The following NRXN1 variants were observed in gnomAD, a reference collection of about 807,000 sequenced individuals.
NRXN1 encodes neurexin-1.
In NRXN1, 39 loss-of-function variants were observed where a neutral mutation model predicts 150.9. That is an observed-to-expected ratio of 0.26 (90% CI 0.20 to 0.34). The LOEUF is 0.34. Among genes scored for constraint, NRXN1 ranks in the 10% least tolerant of loss-of-function variants. NRXN1 has a pLI of 1.00. For missense variants in NRXN1, 1,815 were observed against 1,949.9 expected (o/e 0.93, Z 1.30); for synonymous variants, 924 against 757.0 (o/e 1.22, Z -3.62).
intron 12 of NRXN1, among the ~76,000 whole-genome samples, chr2:50,519,722 G>A (rs2092732518): frequency 1.1e-4 from 16 of 151,906 alleles, no homozygotes; most frequent in Admixed American, 1.0e-3. Flanking sequence ...CTTCTCATGT[G>A]TGGCTATTCA....
chr2:50,727,468 C>G (rs1697528285), intron 5 of NRXN1, among the ~76,000 whole-genome samples: 1 of 151,762 alleles, frequency 6.6e-6, no homozygotes, highest in Non-Finnish European at 1.5e-5. Context: ...ACCTACACAT[C>G]CTTCCGTATG....
At chr2:50,111,327 A>G (rs970771466) in intron 18 of NRXN1, among the ~76,000 whole-genome samples, 12 of 152,172 alleles carry the variant, frequency 7.9e-5, no homozygotes, top group African/African-American at 2.9e-4. Context: ...CAGCCTATTC[A>G]TTATTAAAAT....
intron 19 of NRXN1, among the ~76,000 whole-genome samples, chr2:50,090,934 GA>G (rs932849708): frequency 6.7e-6 from 1 of 150,360 alleles, no homozygotes; most frequent in Admixed American, 6.6e-5. Context: ...TTTTCTCTCA[GA>G]AAAAAAAAGT....
intron 21 of NRXN1, among the ~76,000 whole-genome samples, chr2:49,988,426 A>G (rs1315752113): frequency 1.3e-5 from 2 of 151,742 alleles, no homozygotes; most frequent in Non-Finnish European, 2.9e-5. Flanking sequence ...ATCTGAGTTG[A>G]CTCTTCCTTT....
intron 5 of NRXN1, among the ~76,000 whole-genome samples, chr2:50,795,925 A>T (rs1413867925): frequency 6.6e-6 from 1 of 151,982 alleles, no homozygotes; most frequent in Non-Finnish European, 1.5e-5. Context: ...CCAATAATGT[A>T]CTGAGTCAGG....
At chr2:50,610,597 G>C in intron 8 of NRXN1, among the ~76,000 whole-genome samples, 1 of 133,460 alleles carries the variant, frequency 7.5e-6, no homozygotes, top group Non-Finnish European at 1.6e-5. Flanking sequence ...TCATCTATGT[G>C]CCCCAGTGTC....
intron 5 of NRXN1, among the ~76,000 whole-genome samples, chr2:50,631,610 A>G (rs1282838387): frequency 6.6e-6 from 1 of 151,950 alleles, no homozygotes; most frequent in Admixed American, 6.6e-5. Context: ...ATTTGAGGAT[A>G]TTTCTGCAAA....
At chr2:50,305,475 A>C (rs1215078561) in intron 17 of NRXN1, among the ~76,000 whole-genome samples, 1 of 152,206 alleles carries the variant, frequency 6.6e-6, no homozygotes, top group African/African-American at 2.4e-5. Context: ...AATTCAGTAA[A>C]CACATACCAG....
chr2:50,989,554 A>G (rs1019698375), intron 2 of NRXN1, among the ~76,000 whole-genome samples: 2 of 152,008 alleles, frequency 1.3e-5, no homozygotes, highest in Admixed American at 1.3e-4. Flanking sequence ...ATGATATAGC[A>G]TGTAGACTTC....
At chr2:50,660,739 G>A (rs1482989524) in intron 5 of NRXN1, among the ~76,000 whole-genome samples, 1 of 151,976 alleles carries the variant, frequency 6.6e-6, no homozygotes, top group Non-Finnish European at 1.5e-5. Flanking sequence ...GGCTGTCTCT[G>A]ACTTGAATTT....
At chr2:50,313,689 C>G (rs1437864078) in intron 17 of NRXN1, among the ~76,000 whole-genome samples, 1 of 151,992 alleles carries the variant, frequency 6.6e-6, no homozygotes, top group African/African-American at 2.4e-5. Flanking sequence ...AGTAGCCAGA[C>G]CCATTAAACA....
intron 8 of NRXN1, among the ~76,000 whole-genome samples, chr2:50,581,457 G>T (rs1672251919): frequency 6.6e-6 from 1 of 152,056 alleles, no homozygotes; most frequent in African/African-American, 2.4e-5. Context: ...CCATCCCTCA[G>T]ATTCATAGGT....
chr2:50,755,924 C>T (rs966868727), intron 5 of NRXN1, among the ~76,000 whole-genome samples: 17 of 151,618 alleles, frequency 1.1e-4, no homozygotes, highest in African/African-American at 3.9e-4. Context: ...GCAGTGAAAT[C>T]GGGATAATGT....
intron 19 of NRXN1, among the ~76,000 whole-genome samples, chr2:50,068,729 C>A (rs551927111): frequency 6.6e-6 from 1 of 152,126 alleles, no homozygotes; most frequent in Admixed American, 6.5e-5. Flanking sequence ...GTATGATGTG[C>A]CTTACACAAT....
At chr2:50,089,611 A>AC (rs1330655924) in intron 19 of NRXN1, among the ~76,000 whole-genome samples, 2 of 151,900 alleles carry the variant, frequency 1.3e-5, no homozygotes, top group South Asian at 2.1e-4. Context: ...ACATAGCGAG[A>AC]CCCCCATCTC....
chr2:50,114,356 C>T (rs1702754129), intron 18 of NRXN1, among the ~76,000 whole-genome samples: 1 of 152,110 alleles, frequency 6.6e-6, no homozygotes, highest in African/African-American at 2.4e-5. Flanking sequence ...ACACTGACAA[C>T]ACCAAAGGCT....
At chr2:50,751,251 G>T (rs776659304) in intron 5 of NRXN1, among the ~76,000 whole-genome samples, 3 of 151,996 alleles carry the variant, frequency 2.0e-5, no homozygotes, top group Non-Finnish European at 4.4e-5. Flanking sequence ...CTTATTACAT[G>T]AATATTTAGT....
At chr2:50,368,991 CAG>C (rs1177021732) in intron 17 of NRXN1, among the ~76,000 whole-genome samples, 4 of 151,838 alleles carry the variant, frequency 2.6e-5, no homozygotes, top group Non-Finnish European at 5.9e-5. Context: ...GCCAAGAAAA[CAG>C]AGTAAATTCA....
chr2:50,131,344 T>C (rs115368578), intron 18 of NRXN1, among the ~76,000 whole-genome samples: 2,072 of 152,326 alleles, frequency 0.014, 62 homozygotes, highest in African/African-American at 0.048. Flanking sequence ...TTTAAGTTTA[T>C]TCAATTATCA....
Sources: gnomAD v4.1 joint callset for allele counts (sites outside exome capture counted in the v4.1 genomes callset) on GRCh38, gnomAD v4.1.1 for gene constraint, MANE v1.5 for transcripts, NCBI Gene and HGNC (gene_info 2026-07-23, HGNC 2026-07-21) for gene names.